SCARA5: variants seen among roughly 807,000 people sequenced by gnomAD.
SCARA5 encodes the protein scavenger receptor class A member 5.
SCARA5 carries 45 observed loss-of-function variants against 46.3 expected under a neutral mutation model. The observed-to-expected ratio is 0.97, with a 90% CI of 0.76 to 1.24. The LOEUF is 1.24. Ranked by LOEUF, SCARA5 falls within the 50% of genes most tolerant of loss-of-function variation. The pLI is 0.00. For missense variants in SCARA5, 680 were observed against 689.0 expected, an observed-to-expected ratio of 0.99 and a Z score of 0.15; for synonymous variants, 333 against 306.5, an observed-to-expected ratio of 1.09 and a Z score of -0.90.
intron 3 of SCARA5, among the ~76,000 whole-genome samples, chr8:27,923,383 C>T (rs545498560): frequency 6.6e-6 from 1 of 152,338 alleles, no homozygotes; most frequent in Non-Finnish European, 1.5e-5. Context: ...CCAGGGGCAA[C>T]ATGAGAAGAA....
intron 4 of SCARA5, chr8:27,910,432 G>C (rs938857114): frequency 2.0e-5 from 3 of 152,356 alleles, no homozygotes; most frequent in Non-Finnish European, 4.4e-5. Context: ...GCCACAGCGG[G>C]ATAAAAGATG....
intron 4 of SCARA5, chr8:27,910,083 G>A: frequency 4.7e-6 from 1 of 211,576 alleles, no homozygotes; most frequent in Non-Finnish European, 9.3e-6. Context: ...GGGGTCTTTG[G>A]GAGGTGATGA....
chr8:27,958,943 T>C (rs1208845097), intron 3 of SCARA5, among the ~76,000 whole-genome samples: 1 of 152,096 alleles, frequency 6.6e-6, no homozygotes, highest in African/African-American at 2.4e-5. Flanking sequence ...CTAGAAAGTC[T>C]CATGAGAGGT....
rs1017247569 is a variant in SCARA5, at chr8:27,922,071, A to C, written c.416T>G (p.Leu139Trp). The change falls in exon 4 of 9, where the codon TTG becomes TGG. Residue 139 changes from leucine (L) to tryptophan (W), a missense_variant. Physicochemically the swap from Leu to Trp is moderately conservative, Grantham distance 61. Coordinates refer to ENST00000354914, the MANE Select transcript of SCARA5 (RefSeq NM_173833.6). ...QDALQNQSDSLLALAGAVQRL... is the reference protein window; with the variant it reads ...QDALQNQSDSWLALAGAVQRL... The stretch of plus-strand genomic sequence containing the variant: ...CTGCACTGCGCCCGCCAGCGCCAGC[A>C]ACGAGTCTGACTGGTTCTGCAGCGC... The C allele has an allele frequency of 1.3e-6, 2 of 1,595,488 alleles. No homozygotes were observed. Among genetic ancestry groups the C allele is most frequent in the African/African-American group, 2.7e-5 (2 of 74,328 alleles).
Position 27,944,441 on chromosome 8 carries a change from A to G in SCARA5, c.241+21973T>C, listed in dbSNP as rs184266984. ...CACAAAAATTAAAAATGGTAATAACAAACGTGGGGCGAGAAGAGAGAGCAG... is the reference window on the plus strand; with the variant it reads ...CACAAAAATTAAAAATGGTAATAACGAACGTGGGGCGAGAAGAGAGAGCAG... On this transcript the variant is annotated intron_variant, in intron 3 of 8. Coordinates refer to ENST00000354914, the MANE Select transcript of SCARA5 (RefSeq NM_173833.6). Among the ~76,000 whole-genome samples the G allele has an allele frequency of 2.5e-3, 383 of 152,328 alleles. 1 individual carries two copies. The highest frequency in any genetic ancestry group is 3.7e-3 in the Non-Finnish European group (254 of 68,032).
At chr8:27,969,925 C>G (rs575768818) in intron 2 of SCARA5, among the ~76,000 whole-genome samples, 3 of 152,104 alleles carry the variant, frequency 2.0e-5, no homozygotes, top group African/African-American at 7.2e-5. Flanking sequence ...GTGGAAAAGC[C>G]CCACTCTGGT....
At position 27,966,453 on chromosome 8, in the gene SCARA5, G is replaced by T; in HGVS notation, c.202C>A (p.Leu68Met). ...LKHAVLGLYL[L>M]VFLILVGIFI... ...ATGCCCACAAGAATCAGGAAGACCA[G>T]CAGGTAGAGCCCCAGGACAGCATGC... The change falls in exon 3 of 9, where the codon CTG becomes ATG. Residue 68 changes from leucine to methionine, a missense_variant. Leu to Met is a conservative substitution (Grantham distance 15). Coordinates refer to ENST00000354914, the MANE Select transcript of SCARA5 (RefSeq NM_173833.6). The T allele has an allele frequency of 1.9e-6, 3 of 1,613,622 alleles. No individual in the cohort carries two copies. Among genetic ancestry groups the T allele is most frequent in the Non-Finnish European group, 2.5e-6 (3 of 1,179,814 alleles).
intron 7 of SCARA5, among the ~76,000 whole-genome samples, chr8:27,882,942 G>A (rs963929222): frequency 7.2e-5 from 11 of 152,146 alleles, no homozygotes; most frequent in African/African-American, 2.4e-4. Context: ...CTCTCTAAAG[G>A]CATTTCCCCA....
intron 3 of SCARA5, among the ~76,000 whole-genome samples, chr8:27,958,206 T>C (rs1408733613): frequency 2.0e-5 from 3 of 152,200 alleles, no homozygotes; most frequent in Non-Finnish European, 2.9e-5. Flanking sequence ...CCCCAACTTC[T>C]ACCCGGCTCA....
intron 1 of SCARA5, among the ~76,000 whole-genome samples, chr8:27,987,991 A>G (rs1808730475): frequency 6.6e-6 from 1 of 152,176 alleles, no homozygotes; most frequent in Non-Finnish European, 1.5e-5. Context: ...TGCTGACTCA[A>G]AAGGTAACCT....
intron 3 of SCARA5, among the ~76,000 whole-genome samples, chr8:27,959,208 G>A (rs1417136642): frequency 6.6e-6 from 1 of 152,120 alleles, no homozygotes; most frequent in African/African-American, 2.4e-5. Flanking sequence ...ACTCTAGCCT[G>A]GGTAACAGAG....
intron 3 of SCARA5, among the ~76,000 whole-genome samples, chr8:27,961,437 T>C (rs562493176): frequency 4.6e-5 from 7 of 152,354 alleles, no homozygotes; most frequent in African/African-American, 1.7e-4. Context: ...ACCAAGGAGA[T>C]GCTAGTGCCA....
intron 8 of SCARA5, among the ~76,000 whole-genome samples, chr8:27,875,138 C>T (rs752757468): frequency 4.0e-5 from 6 of 151,892 alleles, no homozygotes; most frequent in African/African-American, 1.2e-4. Context: ...CTTCCTTCCT[C>T]GCTCCCTTCT....
In SCARA5 at chr8:27,870,193, A is replaced by G. The variant is rs1806611784; in HGVS notation, c.*1741T>C. Reference sequence around the variant, plus strand: ...CCGGGTTGGGAATTTAGTTTGTTCAATGTGGCATCTTTCACCTTTAGTTTT... The same window carrying G: ...CCGGGTTGGGAATTTAGTTTGTTCAGTGTGGCATCTTTCACCTTTAGTTTT... On this transcript the variant is annotated 3_prime_UTR_variant, in exon 9 of 9. Transcript: ENST00000354914. 1 of 150,048 alleles carries G rather than the reference A, an allele frequency of 6.7e-6. No homozygotes were observed. Among genetic ancestry groups the G allele is most frequent in the African/African-American group, 2.4e-5 (1 of 40,828 alleles). The allele number at this position is 150,048 out of a possible 1,614,324, so 9.3% of individuals were successfully genotyped here. A position where few individuals can be genotyped will look rare whatever the true frequency, so the allele number is the denominator to read the frequency against.
At chr8:27,941,800 C>CATTATTATT (rs71536304) in intron 3 of SCARA5, among the ~76,000 whole-genome samples, 3,020 of 135,226 alleles carry the variant, frequency 0.022, 49 homozygotes, top group East Asian at 0.033. Flanking sequence ...TTTACATCAT[C>CATTATTATT]ATTATTATTA....
chr8:27,984,696 C>G (rs915999129), intron 2 of SCARA5, among the ~76,000 whole-genome samples: 1 of 152,032 alleles, frequency 6.6e-6, no homozygotes, highest in African/African-American at 2.4e-5. Context: ...ATCCATCCAT[C>G]CATTCATCCG....
intron 2 of SCARA5, among the ~76,000 whole-genome samples, chr8:27,979,281 G>A (rs1344329492): frequency 6.6e-6 from 1 of 152,176 alleles, no homozygotes; most frequent in Non-Finnish European, 1.5e-5. Context: ...CCCAAGGGCA[G>A]GCCCAGGAGC....
intron 4 of SCARA5, among the ~76,000 whole-genome samples, chr8:27,918,703 G>C (rs1807516080): frequency 3.7e-5 from 1 of 26,706 alleles, no homozygotes; most frequent in Non-Finnish European, 8.3e-5. Flanking sequence ...AAGATGAGGA[G>C]GAAAAGGAGG....
chr8:27,975,043 G>A (rs1049580025), intron 2 of SCARA5, among the ~76,000 whole-genome samples: 5 of 152,150 alleles, frequency 3.3e-5, no homozygotes, highest in Admixed American at 2.0e-4. Flanking sequence ...CTGGCCACTG[G>A]AATGACCAAG....
Sources: gnomAD v4.1 joint callset for allele counts (sites outside exome capture counted in the v4.1 genomes callset) on GRCh38, gnomAD v4.1.1 for gene constraint, MANE v1.5 for transcripts, NCBI Gene and HGNC (gene_info 2026-07-23, HGNC 2026-07-21) for gene names.